PAPPA: variants seen among roughly 807,000 people sequenced by gnomAD.
The protein encoded by PAPPA is pappalysin-1.
PAPPA carries 60 observed loss-of-function variants against 164.0 expected under a neutral mutation model. That is an observed-to-expected ratio of 0.37 (90% confidence interval 0.30 to 0.45). PAPPA has a LOEUF of 0.45. Ranked by LOEUF, PAPPA falls within the 20% of genes least tolerant of loss-of-function variation. The pLI, the probability that PAPPA is intolerant of heterozygous loss-of-function variation, is 1.00. For missense variants in PAPPA, 1,782 were observed against 2,087.3 expected, an observed-to-expected ratio of 0.85 and a Z score of 2.85; for synonymous variants, 875 against 814.1, an observed-to-expected ratio of 1.07 and a Z score of -1.27.
At chr9:116,216,660 C>A (rs560930449) in intron 4 of PAPPA, among the ~76,000 whole-genome samples, 4 of 152,244 alleles carry the variant, frequency 2.6e-5, no homozygotes, top group Admixed American at 6.5e-5. Flanking sequence ...AGATGAAAAC[C>A]CTTTGGTACC....
At chr9:116,366,793 C>A (rs1846506560) in intron 18 of PAPPA, among the ~76,000 whole-genome samples, 1 of 152,128 alleles carries the variant, frequency 6.6e-6, no homozygotes, top group Admixed American at 6.5e-5. Context: ...GTCATGGGCA[C>A]CTAGGAGGGG....
chr9:116,286,922 G>A (rs1845346706), intron 9 of PAPPA: 1 of 152,076 alleles, frequency 6.6e-6, no homozygotes, highest in African/African-American at 2.4e-5. Context: ...AAAGTGTGCT[G>A]GTCATTGACA....
intron 21 of PAPPA, among the ~76,000 whole-genome samples, chr9:116,383,144 T>C (rs1336148545): frequency 3.3e-5 from 5 of 152,174 alleles, no homozygotes; most frequent in East Asian, 1.9e-4. Flanking sequence ...AAACATTCGA[T>C]AGATGCACAT....
chr9:116,312,243 C>A (rs1313087411), intron 10 of PAPPA, among the ~76,000 whole-genome samples: 2 of 151,902 alleles, frequency 1.3e-5, no homozygotes, highest in Admixed American at 6.6e-5. Flanking sequence ...TCCCTTAAAA[C>A]CCTTCTTTGT....
Position 116,256,708 on chromosome 9 carries a change from G to A in PAPPA, c.2733-9149G>A, listed in dbSNP as rs183255467. 3.1e-3 allele frequency among the ~76,000 whole-genome samples: 467 copies of A among 150,592 alleles called. 8 individuals are homozygous for A. Among genetic ancestry groups the A allele is most frequent in the Middle Eastern group, 0.017 (5 of 294 alleles). The stretch of plus-strand genomic sequence containing the variant: ...AATAATATGACCTGAAAATATATAA[G>A]TCAATGACTTTTACCTAAAAAAAGA... On this transcript the variant is annotated intron_variant, in intron 7 of 21. Coordinates refer to ENST00000328252, the MANE Select transcript of PAPPA (RefSeq NM_002581.5).
intron 7 of PAPPA, 93 bp downstream of exon 7, chr9:116,235,730 C>T: frequency 8.2e-7 from 1 of 1,215,170 alleles, no homozygotes; most frequent in African/African-American, 1.5e-5. Context: ...GGGGAAGGTT[C>T]ATCACAGTCA....
At position 116,271,631 on chromosome 9, in the gene PAPPA, T is replaced by G. The variant is rs374937749; in HGVS notation, c.2953+215T>G. 1.4e-4 allele frequency among the ~76,000 whole-genome samples: 22 copies of G among 152,202 alleles called. No individual in the cohort carries two copies. Among genetic ancestry groups the G allele is most frequent in the African/African-American group, 5.3e-4 (22 of 41,458 alleles). On this transcript the variant is annotated intron_variant, in intron 9 of 21. Transcript: ENST00000328252. This position sits in a 1 kb window ranked among gnomAD's most constrained non-coding sequence, Gnocchi z 4.2. ...ACAAACAAAGCAATCCCTCAAGAGC[T>G]TAAGCTCTCATAGATGATGCCAATG...
intron 1 of PAPPA, among the ~76,000 whole-genome samples, chr9:116,155,913 T>TC (rs1843595976): frequency 1.3e-5 from 2 of 151,814 alleles, no homozygotes; most frequent in South Asian, 2.1e-4. Context: ...TTTTTTTTTT[T>TC]CCTCCGGGAA....
At chr9:116,215,954 A>G (rs1844365745) in intron 4 of PAPPA, among the ~76,000 whole-genome samples, 1 of 43,560 alleles carries the variant, frequency 2.3e-5, no homozygotes, top group South Asian at 1.1e-3. Context: ...ACAAACACAT[A>G]TATATATACA....
chr9:116,211,924 G>A lies in PAPPA; in HGVS notation c.1910G>A (p.Ser637Asn), dbSNP rs375141116. 2.5e-6 allele frequency: 4 copies of A among 1,613,798 alleles called. No homozygotes were observed. Among genetic ancestry groups the A allele is most frequent in the African/African-American group, 2.7e-5 (2 of 74,886 alleles). The change falls in exon 4 of 22, where the codon AGC becomes AAC. Residue 637 changes from serine to asparagine, a missense_variant. Around this residue, in one of 2 missense-constraint regions of PAPPA, gnomAD observed 1,324 missense variants for 1,656.9 expected, o/e 0.80. Coordinates refer to ENST00000328252, the MANE Select transcript of PAPPA (RefSeq NM_002581.5). ...AACACTCCTTACAACAACTTCATGA[G>A]CTATGCAGGTAGGGCCCTACACTCT... ...FFNTPYNNFM[S>N]YADDDCTDSF...
At chr9:116,210,638 A>G (rs950211756) in intron 3 of PAPPA, among the ~76,000 whole-genome samples, 10 of 152,182 alleles carry the variant, frequency 6.6e-5, no homozygotes, top group African/African-American at 2.4e-4. Flanking sequence ...TACTACCCAT[A>G]AATTCTGCTG....
chr9:116,182,242 T>TA (rs1230235001), intron 1 of PAPPA, among the ~76,000 whole-genome samples: 1 of 152,218 alleles, frequency 6.6e-6, no homozygotes, highest in African/African-American at 2.4e-5. Context: ...AAGAGTAAGA[T>TA]ACTCTTATAG....
chr9:116,325,927 C>T (rs1845915481), intron 10 of PAPPA, among the ~76,000 whole-genome samples: 1 of 152,144 alleles, frequency 6.6e-6, no homozygotes, highest in African/African-American at 2.4e-5. Context: ...ACCTCCCTTC[C>T]CTTGACCACT....
Position 116,377,629 on chromosome 9 carries a change from C to T in PAPPA, c.4659C>T (p.His1553=). 6.2e-7 allele frequency: 1 copy of T among 1,613,512 alleles called. No individual in the cohort carries two copies. The highest frequency in any genetic ancestry group is 8.5e-7 in the Non-Finnish European group (1 of 1,179,416). ...LKWYPHPALI[H]CVKGCEPFMG... ...GGTATCCTCACCCTGCTCTGATTCA[C>T]TGTGTCAAAGGCTGTGAGGTGAGTC... Residue 1553 remains histidine (H), a synonymous_variant, in exon 20 of 22, where the codon CAC becomes CAT. Coordinates refer to ENST00000328252, the MANE Select transcript of PAPPA (RefSeq NM_002581.5).
At chr9:116,315,213 T>G (rs536182799) in intron 10 of PAPPA, among the ~76,000 whole-genome samples, 1 of 152,324 alleles carries the variant, frequency 6.6e-6, no homozygotes, top group Non-Finnish European at 1.5e-5. Context: ...ATCCCCTGTT[T>G]CATCCCTTCA....
At chr9:116,313,547 AAGG>A (rs1845749674) in intron 10 of PAPPA, among the ~76,000 whole-genome samples, 1 of 152,174 alleles carries the variant, frequency 6.6e-6, no homozygotes, top group Non-Finnish European at 1.5e-5. Flanking sequence ...AAGCAACGGG[AAGG>A]AGGAGATAAA....
chr9:116,279,626 A>T lies in PAPPA; in HGVS notation c.2953+8210A>T, dbSNP rs551838512. On this transcript the variant is annotated intron_variant, in intron 9 of 21. Coordinates refer to ENST00000328252, the MANE Select transcript of PAPPA (RefSeq NM_002581.5). ...TGTGAGGAATCGAGACCAAACTTTG[A>T]TGTGTGCCTTTGAAAGGCAGCCAGA... Among the ~76,000 whole-genome samples the T allele has an allele frequency of 2.0e-5, 3 of 152,276 alleles. No individual in the cohort carries two copies. In the East Asian group the frequency reaches 5.8e-4, roughly 29 times the overall value.
At chr9:116,331,176 A>G in intron 10 of PAPPA, 68 bp from the exon 11 acceptor site, 2 of 1,028,492 alleles carry the variant, frequency 1.9e-6, no homozygotes, top group East Asian at 2.4e-5. Context: ...AAAGGTTTGT[A>G]AAATTGAATT....
intron 20 of PAPPA, among the ~76,000 whole-genome samples, chr9:116,380,316 G>A (rs370155624): frequency 9.9e-5 from 15 of 152,280 alleles, no homozygotes; most frequent in African/African-American, 3.4e-4. Flanking sequence ...ATGGATGGAC[G>A]GATGGATGGA....
Sources: allele counts gnomAD v4.1 joint callset (sites outside exome capture counted in the v4.1 genomes callset), GRCh38; gene constraint gnomAD v4.1.1; regional missense constraint gnomAD v4.1.1; non-coding constraint Gnocchi (gnomAD v3.1); transcripts MANE v1.5; gene names NCBI Gene and HGNC (gene_info 2026-07-23, HGNC 2026-07-21).